MPRIP: variants seen among roughly 807,000 people sequenced by gnomAD.
MPRIP encodes myosin phosphatase Rho-interacting protein.
In MPRIP, 59 loss-of-function variants were observed where a neutral mutation model predicts 234.9. The observed-to-expected ratio is 0.25, with a 90% CI of 0.20 to 0.31. The LOEUF (loss-of-function observed/expected upper bound fraction) is 0.31, where lower values mean the gene tolerates loss of function less well. Among genes scored for constraint, MPRIP ranks in the 10% least tolerant of loss-of-function variants. The probability of loss-of-function intolerance (pLI) is 1.00; values close to 1 mark genes in which losing one functional copy is unlikely to be tolerated. For missense variants in MPRIP, 2,436 were observed against 3,071.0 expected, an observed-to-expected ratio of 0.79 and a Z score of 4.89; for synonymous variants, 1,144 against 1,263.9, an observed-to-expected ratio of 0.91 and a Z score of 2.01.
In MPRIP at chr17:17,057,884, C is replaced by T. The variant is rs975066060; in HGVS notation, c.123+14913C>T. On this transcript the variant is annotated intron_variant, in intron 1 of 23. Transcript: ENST00000651222. ...TTAATAGAATGCAATATTGGATGTA[C>T]ACAAAAGGATACAAGCAGCATACAT... 2.8e-5 allele frequency: 16 copies of T among 581,214 alleles called. No homozygotes were observed. The African/African-American group carries it at 2.8e-4, about 10-fold the overall frequency. 36.0% of individuals were successfully genotyped at this position (581,214 alleles called of 1,614,324 possible).
intron 1 of MPRIP, among the ~76,000 whole-genome samples, chr17:17,048,536 A>T (rs1337163854): frequency 6.6e-6 from 1 of 152,172 alleles, no homozygotes; most frequent in Non-Finnish European, 1.5e-5. Flanking sequence ...AGCGTGTCAA[A>T]AATCTCAGAC....
At position 17,173,919 on chromosome 17, in the gene MPRIP, G is replaced by A; in HGVS notation, c.6594G>A (p.Glu2198=). The change falls in exon 19 of 24, where the codon GAG becomes GAA. Residue 2198 remains glutamate (E), a synonymous_variant. Transcript: ENST00000651222. Reference sequence around the variant, plus strand: ...GTGAGTGCTGCCCTCTCCCCAGGGAGGAGCTGCAGTCGGTGCAGCGGGAAC... The same window carrying A: ...GTGAGTGCTGCCCTCTCCCCAGGGAAGAGCTGCAGTCGGTGCAGCGGGAAC... ...DVEALRRQYL[E]ELQSVQRELE... 1 of 1,613,450 alleles carries A rather than the reference G, an allele frequency of 6.2e-7. No individual in the cohort carries two copies. Among genetic ancestry groups the A allele is most frequent in the South Asian group, 1.1e-5 (1 of 91,082 alleles).
intron 3 of MPRIP, among the ~76,000 whole-genome samples, chr17:17,124,004 T>G (rs1283586605): frequency 2.0e-5 from 3 of 152,228 alleles, no homozygotes; most frequent in Admixed American, 6.5e-5. Context: ...GCTAATTTCC[T>G]TCAGTCCTGG....
intron 3 of MPRIP, among the ~76,000 whole-genome samples, chr17:17,090,585 A>C (rs2089691951): frequency 6.6e-6 from 1 of 152,154 alleles, no homozygotes; most frequent in South Asian, 2.1e-4. Context: ...TTGGGGCAAA[A>C]GTCCAAGGCT....
At chr17:17,088,416 G>T (rs1192768975) in intron 3 of MPRIP, among the ~76,000 whole-genome samples, 1 of 152,218 alleles carries the variant, frequency 6.6e-6, no homozygotes, top group Non-Finnish European at 1.5e-5. Context: ...TGAAAAGCTT[G>T]GAATAGTTGG....
chr17:17,147,020 G>A (rs1293041993), intron 10 of MPRIP, among the ~76,000 whole-genome samples: 2 of 152,216 alleles, frequency 1.3e-5, no homozygotes, highest in Non-Finnish European at 2.9e-5. Context: ...AGGACCGCAC[G>A]GCCTGGCCAC....
chr17:17,174,785 C>A (rs367691647), intron 19 of MPRIP, among the ~76,000 whole-genome samples: 1 of 144,950 alleles, frequency 6.9e-6, no homozygotes, highest in African/African-American at 2.7e-5. Context: ...GGTGACAGAG[C>A]GAGACTCCGT....
At chr17:17,062,882 T>G (rs976057263) in intron 1 of MPRIP, among the ~76,000 whole-genome samples, 1 of 152,232 alleles carries the variant, frequency 6.6e-6, no homozygotes, top group African/African-American at 2.4e-5. Context: ...TGTGGAAGCA[T>G]CGTGGCTCTT....
chr17:17,083,317 A>G (rs2089508909), intron 3 of MPRIP, among the ~76,000 whole-genome samples: 1 of 152,212 alleles, frequency 6.6e-6, no homozygotes, highest in African/African-American at 2.4e-5. Flanking sequence ...GTACTTGTGT[A>G]TAAAGTAAAC....
At chr17:17,076,850 C>G (rs184413869) in intron 2 of MPRIP, among the ~76,000 whole-genome samples, 27 of 152,076 alleles carry the variant, frequency 1.8e-4, no homozygotes, top group Non-Finnish European at 1.3e-4. Flanking sequence ...AATGATAACC[C>G]TGGCCCAAAG....
chr17:17,170,433 A>G (rs1478409911), intron 16 of MPRIP, among the ~76,000 whole-genome samples: 2 of 152,178 alleles, frequency 1.3e-5, no homozygotes, highest in East Asian at 1.9e-4. Context: ...AATAGTGGCA[A>G]TAGCTGAGAC....
At chr17:17,051,960 G>A (rs1000096340) in intron 1 of MPRIP, among the ~76,000 whole-genome samples, 2 of 152,264 alleles carry the variant, frequency 1.3e-5, no homozygotes, top group African/African-American at 4.8e-5. Flanking sequence ...GACTCTGAGT[G>A]GATGGGCCTG....
chr17:17,136,889 G>A (rs532407280), intron 6 of MPRIP, among the ~76,000 whole-genome samples: 5 of 152,268 alleles, frequency 3.3e-5, no homozygotes, highest in African/African-American at 9.6e-5. Flanking sequence ...GGGGTGCTGG[G>A]GAGGCAGCAG....
chr17:17,117,213 G>A (rs1350961794), intron 3 of MPRIP, among the ~76,000 whole-genome samples: 1 of 152,222 alleles, frequency 6.6e-6, no homozygotes, highest in Non-Finnish European at 1.5e-5. Flanking sequence ...GTGGTGATGT[G>A]CACTGAGAAG....
intron 19 of MPRIP, among the ~76,000 whole-genome samples, chr17:17,174,606 A>C (rs1037972071): frequency 2.6e-5 from 4 of 152,074 alleles, no homozygotes; most frequent in African/African-American, 9.7e-5. Flanking sequence ...GGAGGCCAAG[A>C]CGGGCGGATC....
At chr17:17,053,176 C>T (rs1281255715) in intron 1 of MPRIP, among the ~76,000 whole-genome samples, 1 of 152,072 alleles carries the variant, frequency 6.6e-6, no homozygotes, top group African/African-American at 2.4e-5. Flanking sequence ...AAATCTGACA[C>T]AGTCCCACTT....
At chr17:17,175,148 A>G in intron 19 of MPRIP, 145 bp from the exon 20 acceptor site, 1 of 1,187,712 alleles carries the variant, frequency 8.4e-7, no homozygotes, top group Non-Finnish European at 1.2e-6. Flanking sequence ...TTGTGACAGA[A>G]AGGAATTAAG....
rs540857288 is a variant in MPRIP at position 17,077,992 on chromosome 17, A to G, written c.202-19A>G. ...AGGACCCAGATCCTCCTAACCACCCACCTTGTGCTCCGTTGCAGAAATGGC... is the reference window on the plus strand; with the variant it reads ...AGGACCCAGATCCTCCTAACCACCCGCCTTGTGCTCCGTTGCAGAAATGGC... On this transcript the variant is annotated intron_variant, in intron 2 of 23. Transcript: ENST00000651222. 8.1e-6 allele frequency: 13 copies of G among 1,613,694 alleles called. No individual in the cohort carries two copies. In the East Asian group the frequency reaches 8.9e-5, roughly 11 times the overall value.
At chr17:17,093,427 C>G (rs2089765779) in intron 3 of MPRIP, among the ~76,000 whole-genome samples, 1 of 152,146 alleles carries the variant, frequency 6.6e-6, no homozygotes, top group Non-Finnish European at 1.5e-5. Flanking sequence ...ACCCTTAAAA[C>G]TTATTCTGTA....
Sources: allele counts gnomAD v4.1 joint callset (sites outside exome capture counted in the v4.1 genomes callset), GRCh38; gene constraint gnomAD v4.1.1; transcripts MANE v1.5; gene names NCBI Gene and HGNC (gene_info 2026-07-23, HGNC 2026-07-21).